Variants in SCN8A observed in about 807,000 individuals in gnomAD.
SCN8A encodes sodium channel protein type 8 subunit alpha.
Under a neutral mutation model 184.1 loss-of-function variants are expected in SCN8A, and 30 were observed. That is an observed-to-expected ratio of 0.16 (90% CI 0.12 to 0.22). The LOEUF is 0.22. SCN8A is among the 10% of genes least tolerant of loss of function. SCN8A has a pLI of 1.00. For synonymous variants in SCN8A, 852 were observed against 907.0 expected, an observed-to-expected ratio of 0.94 and a Z score of 1.09; for missense variants, 1,057 against 2,498.9, an observed-to-expected ratio of 0.42 and a Z score of 12.30.
At chr12:51,724,816 C>T (rs1196113906) in intron 12 of SCN8A, among the ~76,000 whole-genome samples, 2 of 152,220 alleles carry the variant, frequency 1.3e-5, no homozygotes, top group Non-Finnish European at 2.9e-5. Context: ...GGAGCTTAAA[C>T]TTCAGCTGAA....
intron 1 of SCN8A, among the ~76,000 whole-genome samples, chr12:51,627,248 G>A (rs1477147682): frequency 6.6e-6 from 1 of 152,166 alleles, no homozygotes; most frequent in African/African-American, 2.4e-5. Flanking sequence ...CAGGGTTCAT[G>A]ATTACAACTT....
chr12:51,755,336 C>T (rs1942657507), intron 14 of SCN8A, among the ~76,000 whole-genome samples: 1 of 152,140 alleles, frequency 6.6e-6, no homozygotes, highest in African/African-American at 2.4e-5. Flanking sequence ...TTTAGACTTC[C>T]TCTGATGTGG....
intron 25 of SCN8A, among the ~76,000 whole-genome samples, chr12:51,794,112 C>G (rs1399741597): frequency 6.6e-6 from 1 of 152,178 alleles, no homozygotes; most frequent in Non-Finnish European, 1.5e-5. Context: ...CACCACTGCA[C>G]TCCAGCCTGG....
intron 19 of SCN8A, among the ~76,000 whole-genome samples, chr12:51,772,791 T>C (rs904029632): frequency 1.3e-4 from 19 of 148,624 alleles, no homozygotes; most frequent in East Asian, 1.2e-3. Context: ...CCATCCTGGC[T>C]AACACGGTGA....
In SCN8A at chr12:51,810,976, C is replaced by G. The variant is rs1381982911; in HGVS notation, c.*3547C>G. 6.6e-6 allele frequency: 1 copy of G among 152,146 alleles called. No homozygotes were observed. The highest frequency in any genetic ancestry group is 2.4e-5 in the African/African-American group (1 of 41,406). The allele number at this position is 152,146 out of a possible 1,614,324, so 9.4% of individuals were successfully genotyped here. A position where few individuals can be genotyped will look rare whatever the true frequency, so the allele number is the denominator to read the frequency against. ...CAACCAACGTAAACCTGTAAAAGAC[C>G]AACAGTGAAGATTAGTGTATTAGTG... On this transcript the variant is annotated 3_prime_UTR_variant, in exon 27 of 27. Transcript: ENST00000627620.
intron 20 of SCN8A, 111 bp downstream of exon 20, chr12:51,774,473 G>A: frequency 1.0e-6 from 1 of 978,306 alleles, no homozygotes; most frequent in South Asian, 1.8e-5. Flanking sequence ...AGATCAAGAT[G>A]TAGATGTAGG....
chr12:51,786,181 C>T (rs1208019004), intron 21 of SCN8A, among the ~76,000 whole-genome samples: 1 of 152,160 alleles, frequency 6.6e-6, no homozygotes, highest in Non-Finnish European at 1.5e-5. Context: ...AACTAGCAAG[C>T]TGAAAGTTAC....
intron 5 of SCN8A, 121 bp downstream of exon 5, chr12:51,687,340 C>T: frequency 9.0e-7 from 1 of 1,106,828 alleles, no homozygotes; most frequent in Non-Finnish European, 1.3e-6. Flanking sequence ...TAATGGATAA[C>T]CATGTAAGGC....
chr12:51,709,531 C>A (rs184754048), intron 11 of SCN8A, among the ~76,000 whole-genome samples: 17 of 152,222 alleles, frequency 1.1e-4, no homozygotes, highest in Admixed American at 1.1e-3. Context: ...AACAGAGATG[C>A]TTAGTGAGCT....
intron 1 of SCN8A, among the ~76,000 whole-genome samples, chr12:51,625,077 G>C (rs1204009644): frequency 6.6e-6 from 1 of 152,108 alleles, no homozygotes; most frequent in Non-Finnish European, 1.5e-5. Flanking sequence ...CTCTTTGTAA[G>C]GTACAGTTCT....
rs762625933 is a variant in SCN8A, at chr12:51,786,805, A to T, written c.4206A>T (p.Gly1402=). ...TCAACTTTGACAATGTTGGGGCAGGATACCTGGCCCTTCTTCAAGTAGTAA... is the reference window on the plus strand; with the variant it reads ...TCAACTTTGACAATGTTGGGGCAGGTTACCTGGCCCTTCTTCAAGTAGTAA... ...VKINFDNVGA[G]YLALLQVATF... The change falls in exon 22 of 27, where the codon GGA becomes GGT. Residue 1402 remains glycine (G), a synonymous_variant. Coordinates refer to ENST00000627620, the MANE Select transcript of SCN8A (RefSeq NM_001330260.2). The T allele has an allele frequency of 1.9e-6, 3 of 1,613,442 alleles. No homozygotes were observed. The African/African-American group carries it at 4.0e-5, about 22-fold the overall frequency.
rs527447132 is a variant in SCN8A, at chr12:51,712,856, C to T, written c.1635+6141C>T. 1.8e-5 allele frequency: 25 copies of T among 1,416,806 alleles called. No individual in the cohort carries two copies. The East Asian group carries it at 5.2e-4, about 30-fold the overall frequency. 87.8% of individuals were successfully genotyped at this position (1,416,806 alleles called of 1,614,324 possible). On this transcript the variant is annotated intron_variant, in intron 11 of 26. Coordinates refer to ENST00000627620, the MANE Select transcript of SCN8A (RefSeq NM_001330260.2). ...CTACCTCTGCTGCCACCACCTCCAC[C>T]ACCATAGCCTCCTCTTCCACCAAAG...
chr12:51,686,588 C>CTG (rs890502830), intron 4 of SCN8A, 131 bp downstream of exon 4: 1 of 650,590 alleles, frequency 1.5e-6, no homozygotes, highest in Non-Finnish European at 2.7e-6. Flanking sequence ...ACAGAGAAGG[C>CTG]TGAAAGTACA....
intron 1 of SCN8A, among the ~76,000 whole-genome samples, chr12:51,647,443 G>A (rs1940614950): frequency 6.6e-6 from 1 of 152,160 alleles, no homozygotes; most frequent in Non-Finnish European, 1.5e-5. Context: ...TGGGTGGAGT[G>A]AGACGTAGGA....
At chr12:51,645,409 G>A (rs924443060) in intron 1 of SCN8A, among the ~76,000 whole-genome samples, 1 of 152,050 alleles carries the variant, frequency 6.6e-6, no homozygotes, top group African/African-American at 2.4e-5. Flanking sequence ...CGCCTACTGG[G>A]AAGTGAGGAG....
chr12:51,662,105 G>C (rs1319868266), intron 1 of SCN8A, among the ~76,000 whole-genome samples: 1 of 152,184 alleles, frequency 6.6e-6, no homozygotes, highest in Non-Finnish European at 1.5e-5. Flanking sequence ...TTGCTAAGCA[G>C]GTGGCACTTA....
chr12:51,710,708 G>A (rs949036263), intron 11 of SCN8A, among the ~76,000 whole-genome samples: 2 of 152,016 alleles, frequency 1.3e-5, no homozygotes, highest in African/African-American at 4.8e-5. Flanking sequence ...TAAATAAAAT[G>A]CCCTATTTTT....
rs1054709936 is a variant in SCN8A, at chr12:51,778,071, A to G, written c.3820-2578A>G. Among the ~76,000 whole-genome samples, 5 of 152,298 alleles carry G rather than the reference A, an allele frequency of 3.3e-5. No individual in the cohort carries two copies. In the East Asian group the frequency reaches 5.8e-4, roughly 18 times the overall value. ...GGAGAGAAAGGGATTAGTTGGTGCT[A>G]CTATGTTCTAGATAGGGCTTTTGTG... On this transcript the variant is annotated intron_variant, in intron 20 of 26. Transcript: ENST00000627620.
chr12:51,664,208 T>C (rs1333055768), intron 2 of SCN8A, among the ~76,000 whole-genome samples: 1 of 151,740 alleles, frequency 6.6e-6, no homozygotes, highest in Admixed American at 6.6e-5. Context: ...ATGTTTATTA[T>C]TTACTTTTTT....
Sources: allele counts gnomAD v4.1 joint callset (sites outside exome capture counted in the v4.1 genomes callset), GRCh38; gene constraint gnomAD v4.1.1; transcripts MANE v1.5; gene names NCBI Gene and HGNC (gene_info 2026-07-23, HGNC 2026-07-21).